Variants in SLC25A26 observed in about 807,000 individuals in gnomAD.
The protein encoded by SLC25A26 is mitochondrial S-adenosylmethionine carrier protein.
Under a neutral mutation model 37.8 loss-of-function variants are expected in SLC25A26, and 36 were observed. The observed-to-expected ratio is 0.95, with a 90% CI of 0.73 to 1.26. The LOEUF (loss-of-function observed/expected upper bound fraction) is 1.26. Among genes scored for constraint, SLC25A26 ranks in the 50% most tolerant of loss-of-function variants. The probability of loss-of-function intolerance (pLI) is 0.00; values close to 1 mark genes in which losing one functional copy is unlikely to be tolerated. For synonymous variants in SLC25A26, 129 were observed against 122.5 expected (o/e 1.05, Z -0.35); for missense variants, 390 against 331.1 (o/e 1.18, Z -1.38).
intron 1 of SLC25A26, among the ~76,000 whole-genome samples, chr3:66,149,397 G>A (rs937170088): frequency 6.6e-6 from 1 of 152,152 alleles, no homozygotes; most frequent in Non-Finnish European, 1.5e-5. Context: ...GACCCTAGCA[G>A]CCAGAAGCTA....
chr3:66,346,862 G>A (rs1190132695), intron 6 of SLC25A26, among the ~76,000 whole-genome samples: 1 of 151,982 alleles, frequency 6.6e-6, no homozygotes, highest in Non-Finnish European at 1.5e-5. Context: ...AGCACCCTGT[G>A]TAAGGACCAC....
chr3:66,190,484 A>C (rs2070919060), intron 1 of SLC25A26, among the ~76,000 whole-genome samples: 1 of 152,192 alleles, frequency 6.6e-6, no homozygotes, highest in African/African-American at 2.4e-5. Flanking sequence ...GCTAGAGTGC[A>C]GTGGCACAGT....
intron 5 of SLC25A26, among the ~76,000 whole-genome samples, chr3:66,290,668 T>C (rs1029654554): frequency 7.9e-5 from 12 of 152,246 alleles, no homozygotes; most frequent in Non-Finnish European, 1.6e-4. Flanking sequence ...TGAAGCTGAC[T>C]TGATCATGGT....
chr3:66,248,585 A>C (rs888600186), intron 3 of SLC25A26, among the ~76,000 whole-genome samples: 4 of 152,188 alleles, frequency 2.6e-5, no homozygotes, highest in Admixed American at 2.0e-4. Context: ...AAATGAAAAA[A>C]ACATTGAAAT....
chr3:66,142,510 A>G (rs1204388713), intron 1 of SLC25A26, among the ~76,000 whole-genome samples: 1 of 152,108 alleles, frequency 6.6e-6, no homozygotes, highest in Non-Finnish European at 1.5e-5. Context: ...TGGCCACACT[A>G]TACTCAGAGA....
chr3:66,369,343 A>G (rs565055025), intron 7 of SLC25A26, 135 bp from the exon 8 acceptor site: 19 of 694,474 alleles, frequency 2.7e-5, no homozygotes, highest in Non-Finnish European at 4.6e-5. Context: ...AAGATTGTGC[A>G]TGTGTGCATC....
intron 1 of SLC25A26, among the ~76,000 whole-genome samples, chr3:66,196,351 CT>C (rs1185795329): frequency 2.0e-5 from 3 of 152,198 alleles, no homozygotes; most frequent in Non-Finnish European, 2.9e-5. Context: ...CAAAGACCCC[CT>C]AGGCACATAC....
At chr3:66,165,551 C>T (rs145194340) in intron 1 of SLC25A26, among the ~76,000 whole-genome samples, 17,867 of 151,908 alleles carry the variant, frequency 0.12, 1,089 homozygotes, top group Non-Finnish European at 0.13. Context: ...ATGAGGGAAA[C>T]AGCTGGCTAG....
chr3:66,359,139 C>G (rs2076641141), intron 6 of SLC25A26, among the ~76,000 whole-genome samples: 1 of 152,154 alleles, frequency 6.6e-6, no homozygotes, highest in South Asian at 2.1e-4. Flanking sequence ...TGTGGAGATT[C>G]TGTTTTTAAA....
chr3:66,208,724 A>ATATATACACATTTATATGGGTG (rs2071216371), intron 1 of SLC25A26, among the ~76,000 whole-genome samples: 1 of 146,928 alleles, frequency 6.8e-6, no homozygotes. Context: ...ATGGGTATAT[A>ATATATACACATTTATATGGGTG]TATATACACA....
intron 1 of SLC25A26, among the ~76,000 whole-genome samples, chr3:66,206,200 C>G (rs1308146468): frequency 6.6e-6 from 1 of 152,068 alleles, no homozygotes; most frequent in Non-Finnish European, 1.5e-5. Context: ...TTCAGTGTGC[C>G]AGGGACTGTC....
chr3:66,204,459 GAAAAAGA>G (rs2071152272), intron 1 of SLC25A26, among the ~76,000 whole-genome samples: 1 of 138,496 alleles, frequency 7.2e-6, no homozygotes, highest in South Asian at 2.5e-4. Context: ...AAAAAAGAAA[GAAAAAGA>G]AAAAAGAAAA....
intron 3 of SLC25A26, among the ~76,000 whole-genome samples, chr3:66,253,442 G>A (rs1680407): frequency 1.4e-3 from 211 of 151,622 alleles, no homozygotes; most frequent in South Asian, 3.1e-3. Flanking sequence ...GAGTTTTCTG[G>A]ATTATCCACG....
chr3:66,257,818 A>G (rs542280812), intron 3 of SLC25A26, among the ~76,000 whole-genome samples: 6 of 152,082 alleles, frequency 3.9e-5, no homozygotes, highest in South Asian at 2.1e-4. Flanking sequence ...ATCTCCCTCA[A>G]TCCCTTATGA....
chr3:66,249,352 T>C (rs2072988672), intron 3 of SLC25A26, among the ~76,000 whole-genome samples: 1 of 152,212 alleles, frequency 6.6e-6, no homozygotes, highest in Admixed American at 6.5e-5. Flanking sequence ...TCTCCTTTGG[T>C]ATCAGCATAT....
chr3:66,200,456 G>C (rs1016806711), intron 1 of SLC25A26, among the ~76,000 whole-genome samples: 1 of 152,202 alleles, frequency 6.6e-6, no homozygotes, highest in Non-Finnish European at 1.5e-5. Flanking sequence ...GGATCCAAGT[G>C]TCATGGCCAT....
intron 1 of SLC25A26, among the ~76,000 whole-genome samples, chr3:66,194,836 G>A (rs975211919): frequency 2.0e-5 from 3 of 152,160 alleles, no homozygotes; most frequent in South Asian, 2.1e-4. Flanking sequence ...CCCGACCCCA[G>A]GTGATCCGCC....
intron 5 of SLC25A26, among the ~76,000 whole-genome samples, chr3:66,293,585 G>T (rs369056005): frequency 6.6e-6 from 1 of 151,298 alleles, no homozygotes; most frequent in South Asian, 2.1e-4. Context: ...ATTCCCCTCC[G>T]TGGATCTATG....
intron 7 of SLC25A26, among the ~76,000 whole-genome samples, chr3:66,366,241 A>C (rs1343013368): frequency 6.6e-6 from 1 of 152,208 alleles, no homozygotes; most frequent in Non-Finnish European, 1.5e-5. Context: ...TTCCTGTCTC[A>C]TATGTTAGAC....
Sources: allele counts gnomAD v4.1 joint callset (sites outside exome capture counted in the v4.1 genomes callset), GRCh38; gene constraint gnomAD v4.1.1; transcripts MANE v1.5; gene names NCBI Gene and HGNC (gene_info 2026-07-23, HGNC 2026-07-21).